Variants in SHISA9 observed in about 807,000 individuals in gnomAD.
The protein encoded by SHISA9 is protein shisa-9.
Under a neutral mutation model 38.0 loss-of-function variants are expected in SHISA9, and 13 were observed. That is an observed-to-expected ratio of 0.34 (90% CI 0.22 to 0.54). The LOEUF (loss-of-function observed/expected upper bound fraction) is 0.54, where lower values mean the gene tolerates loss of function less well. SHISA9 is among the 20% of genes least tolerant of loss of function. SHISA9 has a pLI of 0.91. For missense variants in SHISA9, 538 were observed against 575.8 expected (o/e 0.93, Z 0.67); for synonymous variants, 275 against 242.0 (o/e 1.14, Z -1.27).
intron 2 of SHISA9, among the ~76,000 whole-genome samples, chr16:13,001,923 A>G (rs986847657): frequency 6.6e-6 from 1 of 152,250 alleles, no homozygotes; most frequent in South Asian, 2.1e-4. Flanking sequence ...TAAATGTGGA[A>G]GTTAGGTCAT....
intron 1 of SHISA9, chr16:12,911,485 TA>T (rs1212093526): frequency 1.4e-6 from 1 of 714,690 alleles, no homozygotes; most frequent in Admixed American, 6.3e-5. Flanking sequence ...GAAGCATACG[TA>T]AGGACAGAAA....
chr16:13,193,293 A>C (rs6498394), intron 2 of SHISA9, among the ~76,000 whole-genome samples: 7 of 151,836 alleles, frequency 4.6e-5, no homozygotes, highest in African/African-American at 1.7e-4. Context: ...AGGATGGTTT[A>C]ACTTAAGAGA....
chr16:13,195,015 G>A (rs762157019), intron 2 of SHISA9, among the ~76,000 whole-genome samples: 3 of 152,124 alleles, frequency 2.0e-5, no homozygotes, highest in Non-Finnish European at 4.4e-5. Flanking sequence ...ATATAGACAC[G>A]GATAGTTGCT....
the SHISA9 span, among the ~76,000 whole-genome samples, chr16:13,560,589 T>C: frequency 6.6e-6 from 1 of 152,134 alleles, no homozygotes; most frequent in African/African-American, 2.4e-5. Flanking sequence ...TTAAAGAATT[T>C]ATTGCTGCAC....
At chr16:13,417,239 G>A in the SHISA9 span, among the ~76,000 whole-genome samples, 22 of 152,278 alleles carry the variant, frequency 1.4e-4, no homozygotes, top group East Asian at 1.2e-3. Context: ...GTTGGCACCC[G>A]CAAAAGGAAA....
chr16:13,310,837 C>T, the SHISA9 span, among the ~76,000 whole-genome samples: 3 of 151,936 alleles, frequency 2.0e-5, no homozygotes, highest in Non-Finnish European at 4.4e-5. Context: ...GGGCCTGCCA[C>T]CATTCACAGC....
chr16:13,451,576 A>G, the SHISA9 span, among the ~76,000 whole-genome samples: 1 of 152,214 alleles, frequency 6.6e-6, no homozygotes, highest in South Asian at 2.1e-4. Flanking sequence ...CTTCAAACTG[A>G]AGATCGGAGG....
rs916713620 is a variant in SHISA9 at position 12,902,244 on chromosome 16, A to G, written c.180A>G (p.Ala60=). The G allele has an allele frequency of 1.9e-6, 3 of 1,544,014 alleles. No individual in the cohort carries two copies. The African/African-American group carries it at 4.1e-5, about 21-fold the overall frequency. ...GAGAGGCCAGCGAGGGCGCTGAGGC[A>G]TCGGACGCGCCCCCGACCCGGGCGC... ...ASGEASEGAE[A]SDAPPTRAPT... is the part of the protein sequence containing the mutation. The change falls in exon 1 of 5, where the codon GCA becomes GCG. Residue 60 remains alanine, a synonymous_variant. Transcript: ENST00000558583.
At chr16:13,091,568 C>G (rs1452925599) in intron 2 of SHISA9, among the ~76,000 whole-genome samples, 1 of 152,134 alleles carries the variant, frequency 6.6e-6, no homozygotes, top group Non-Finnish European at 1.5e-5. Flanking sequence ...ATCACTGATA[C>G]CCTTTCTTCC....
At chr16:13,441,691 A>G in the SHISA9 span, among the ~76,000 whole-genome samples, 1 of 152,122 alleles carries the variant, frequency 6.6e-6, no homozygotes, top group African/African-American at 2.4e-5. Flanking sequence ...CCTGTATGTA[A>G]GTCTTCAATG....
At chr16:13,002,942 G>T (rs749218913) in intron 2 of SHISA9, among the ~76,000 whole-genome samples, 2 of 152,154 alleles carry the variant, frequency 1.3e-5, no homozygotes, top group Non-Finnish European at 2.9e-5. Context: ...TAGAATTAAT[G>T]CATCTAAGAG....
chr16:13,082,522 C>T (rs1173388900), intron 2 of SHISA9: 1 of 152,156 alleles, frequency 6.6e-6, no homozygotes, highest in Non-Finnish European at 1.5e-5. Flanking sequence ...CAGGTACCTC[C>T]TTCTCATGTC....
At chr16:13,371,410 C>G in the SHISA9 span, among the ~76,000 whole-genome samples, 1 of 152,224 alleles carries the variant, frequency 6.6e-6, no homozygotes, top group Non-Finnish European at 1.5e-5. Flanking sequence ...ACGACATCAT[C>G]TCTATGCTTC....
chr16:13,506,384 G>A, the SHISA9 span, among the ~76,000 whole-genome samples: 1 of 152,164 alleles, frequency 6.6e-6, no homozygotes, highest in South Asian at 2.1e-4. Flanking sequence ...ACAACAATAA[G>A]GATGATACAG....
intron 1 of SHISA9, chr16:12,909,046 A>G: frequency 1.0e-6 from 1 of 997,846 alleles, no homozygotes; most frequent in Non-Finnish European, 1.2e-6. Context: ...CCTGCCTCTC[A>G]TCTTTCTATG....
chr16:13,336,742 T>C, the SHISA9 span, among the ~76,000 whole-genome samples: 1 of 152,154 alleles, frequency 6.6e-6, no homozygotes, highest in African/African-American at 2.4e-5. Context: ...TGGATGTTCA[T>C]CAGTGGTTTC....
At chr16:13,466,379 C>T in the SHISA9 span, among the ~76,000 whole-genome samples, 3 of 152,196 alleles carry the variant, frequency 2.0e-5, no homozygotes, top group African/African-American at 4.8e-5. Context: ...TCCGTTAGGG[C>T]ATCCCTTAAA....
the SHISA9 span, among the ~76,000 whole-genome samples, chr16:13,307,469 T>C: frequency 7.9e-5 from 12 of 152,304 alleles, no homozygotes; most frequent in South Asian, 1.2e-3. Flanking sequence ...AAGCACGTGG[T>C]CGCTTCCTGT....
chr16:13,379,063 C>CAGTA, the SHISA9 span, among the ~76,000 whole-genome samples: 1 of 151,380 alleles, frequency 6.6e-6, no homozygotes, highest in Non-Finnish European at 1.5e-5. Flanking sequence ...GTGGTAGATC[C>CAGTA]AGTAAGCCCT....
Sources: allele counts gnomAD v4.1 joint callset (sites outside exome capture counted in the v4.1 genomes callset), GRCh38; gene constraint gnomAD v4.1.1; transcripts MANE v1.5; gene names NCBI Gene and HGNC (gene_info 2026-07-23, HGNC 2026-07-21).